The following TMPRSS2 variants were observed in gnomAD, a reference collection of about 807,000 sequenced individuals.
TMPRSS2 encodes transmembrane protease serine 2.
In TMPRSS2, 59 loss-of-function variants were observed where a neutral mutation model predicts 67.4. The observed-to-expected ratio is 0.88, with a 90% confidence interval of 0.71 to 1.09. The LOEUF (loss-of-function observed/expected upper bound fraction) is 1.09. Ranked by LOEUF, TMPRSS2 falls within the 50% of genes least tolerant of loss-of-function variation. The probability of loss-of-function intolerance (pLI) is 0.00; values close to 1 mark genes in which losing one functional copy is unlikely to be tolerated. For missense variants in TMPRSS2, 668 were observed against 642.7 expected, an observed-to-expected ratio of 1.04 and a Z score of -0.43; for synonymous variants, 257 against 257.0, an observed-to-expected ratio of 1.00 and a Z score of 0.00.
At chr21:41,472,519 C>T (rs137962614) in intron 9 of TMPRSS2, among the ~76,000 whole-genome samples, 93 of 151,204 alleles carry the variant, frequency 6.2e-4, no homozygotes, top group Non-Finnish European at 1.0e-3. Flanking sequence ...AAACCCAGTT[C>T]CTAGAGGGCC....
At chr21:41,507,845 G>A (rs2146520546) in intron 1 of TMPRSS2, 1 of 1,289,496 alleles carries the variant, frequency 7.8e-7, no homozygotes, top group Non-Finnish European at 1.0e-6. Context: ...GGCGGCGAGG[G>A]CTCTCGGCCG....
intron 3 of TMPRSS2, among the ~76,000 whole-genome samples, chr21:41,493,700 C>T (rs917737737): frequency 1.3e-5 from 2 of 152,094 alleles, no homozygotes; most frequent in African/African-American, 4.8e-5. Context: ...GCAAGAGGGG[C>T]GGACTGGAAA....
At chr21:41,470,551 A>G (rs1291171103) in intron 11 of TMPRSS2, 97 bp downstream of exon 11, 2 of 1,114,290 alleles carry the variant, frequency 1.8e-6, no homozygotes, top group East Asian at 5.2e-5. Context: ...CCAGTCATTG[A>G]GTAGTAGAAC....
chr21:41,470,763 C>T lies in TMPRSS2; in HGVS notation c.1076-20G>A, dbSNP rs2091126206. ...CTAGGTCTGTTTCAAGAAGAGAAAA[C>T]ACAGTGAGCCAGGCGGGTATCACCT... On this transcript the variant is annotated intron_variant, in intron 10 of 13. Transcript: ENST00000332149. 2 of 1,540,928 alleles carry T rather than the reference C, an allele frequency of 1.3e-6. No homozygotes were observed. Among genetic ancestry groups the T allele is most frequent in the South Asian group, 1.1e-5 (1 of 88,564 alleles).
chr21:41,480,994 C>T (rs920567452), intron 5 of TMPRSS2, among the ~76,000 whole-genome samples: 3 of 152,166 alleles, frequency 2.0e-5, no homozygotes, highest in African/African-American at 4.8e-5. Context: ...TCCACGGCTC[C>T]GGAGGTGGCA....
At chr21:41,494,671 A>G in intron 2 of TMPRSS2, 93 bp from the exon 3 acceptor site, 1 of 1,131,700 alleles carries the variant, frequency 8.8e-7, no homozygotes, top group Non-Finnish European at 1.3e-6. Context: ...AGCTATACCA[A>G]TGATCTTTTA....
At position 41,494,505 on chromosome 21, in the gene TMPRSS2, G is replaced by T. The variant is rs1245940121; in HGVS notation, c.89C>A (p.Pro30His). The change falls in exon 3 of 14, where the codon CCC (proline) becomes CAC (histidine). Residue 30 changes from proline (P) to histidine (H), a missense_variant. Coordinates refer to ENST00000332149, the MANE Select transcript of TMPRSS2 (RefSeq NM_005656.4). ...CTCGTAGACAGTGGGGACCACAGTG[G>T]GCTGTGCGGGATAGGGGTTTTCCGG... ...YQPENPYPAQ[P>H]TVVPTVYEVH... The T allele has an allele frequency of 1.2e-6, 2 of 1,614,086 alleles. No homozygotes were observed. The highest frequency in any genetic ancestry group is 1.1e-5 in the South Asian group (1 of 91,082).
Position 41,508,114 on chromosome 21 carries a change from G to A in TMPRSS2, c.-90C>T. The A allele has an allele frequency of 6.4e-6, 7 of 1,092,160 alleles. No individual in the cohort carries two copies. The highest frequency in any genetic ancestry group is 2.6e-5 in the South Asian group (1 of 38,346). 67.7% of individuals were successfully genotyped at this position (1,092,160 alleles called of 1,614,324 possible). On this transcript the variant is annotated 5_prime_UTR_variant, in exon 1 of 14. Coordinates refer to ENST00000332149, the MANE Select transcript of TMPRSS2 (RefSeq NM_005656.4). Reference sequence around the variant, plus strand: ...CTCCAGGCGGCGCTCCCCGCCCCTCGCCCTCCGCCTCCGCCTCCGCCTCCT... The same window carrying A: ...CTCCAGGCGGCGCTCCCCGCCCCTCACCCTCCGCCTCCGCCTCCGCCTCCT...
chr21:41,478,572 C>T lies in TMPRSS2; in HGVS notation c.683+600G>A, dbSNP rs957300769. ...TCTGCCCTCCCAGCCAGGTCAGCCA[C>T]TCATCATGTGACCTGTGGCTTGTAC... On this transcript the variant is annotated intron_variant, in intron 7 of 13. Coordinates refer to ENST00000332149, the MANE Select transcript of TMPRSS2 (RefSeq NM_005656.4). The surrounding 1 kb of genome is among the most constrained non-coding windows in gnomAD (Gnocchi z 4.0). Among the ~76,000 whole-genome samples, 1 of 152,248 alleles carries T rather than the reference C, an allele frequency of 6.6e-6. No homozygotes were observed. Among genetic ancestry groups the T allele is most frequent in the East Asian group, 1.9e-4 (1 of 5,204 alleles).
At chr21:41,507,913 C>T in intron 1 of TMPRSS2, 168 bp downstream of exon 1, 2 of 1,493,718 alleles carry the variant, frequency 1.3e-6, no homozygotes, top group South Asian at 1.2e-5. Context: ...GCGCCCTGCC[C>T]GGCTGGCCCC....
intron 5 of TMPRSS2, 132 bp from the exon 6 acceptor site, chr21:41,480,734 G>T (rs1394654135): frequency 3.0e-5 from 39 of 1,291,788 alleles, no homozygotes; most frequent in Non-Finnish European, 4.1e-5. Flanking sequence ...CGCCTCCCAG[G>T]TTCAAGTGAT....
chr21:41,490,351 A>G (rs552589240), intron 3 of TMPRSS2, among the ~76,000 whole-genome samples: 29 of 152,314 alleles, frequency 1.9e-4, no homozygotes, highest in Admixed American at 8.5e-4. Context: ...TAGCGAATGG[A>G]TGCTACTGTC....
At chr21:41,505,253 G>C (rs913458586) in intron 1 of TMPRSS2, among the ~76,000 whole-genome samples, 1 of 152,120 alleles carries the variant, frequency 6.6e-6, no homozygotes, top group Non-Finnish European at 1.5e-5. Context: ...AAATAAATAA[G>C]ATGCCTGGGC....
chr21:41,484,087 C>G (rs2091278623), intron 5 of TMPRSS2, among the ~76,000 whole-genome samples: 3 of 152,150 alleles, frequency 2.0e-5, no homozygotes, highest in East Asian at 1.9e-4. Flanking sequence ...CCACTGCACT[C>G]CAGACTGGGT....
intron 9 of TMPRSS2, among the ~76,000 whole-genome samples, chr21:41,473,075 A>T (rs1258832578): frequency 6.6e-6 from 1 of 152,144 alleles, no homozygotes; most frequent in Admixed American, 6.5e-5. Flanking sequence ...AACGCTGGTC[A>T]CGGCGACATC....
chr21:41,499,771 C>T (rs1255026339), intron 1 of TMPRSS2, among the ~76,000 whole-genome samples: 5 of 152,192 alleles, frequency 3.3e-5, no homozygotes, highest in African/African-American at 4.8e-5. Context: ...GAATAAAGTT[C>T]GCTTCACCAT....
intron 8 of TMPRSS2, among the ~76,000 whole-genome samples, chr21:41,475,367 G>A (rs2146440811): frequency 2.6e-5 from 1 of 37,778 alleles, no homozygotes; most frequent in Admixed American, 2.6e-4. Context: ...GGGGGTGAGG[G>A]AGTGAGGGAT....
chr21:41,479,758 A>G (rs1569016932), intron 6 of TMPRSS2, among the ~76,000 whole-genome samples: 1 of 152,120 alleles, frequency 6.6e-6, no homozygotes, highest in Non-Finnish European at 1.5e-5. Context: ...TGAATACCCT[A>G]AAGTTGCATA....
At position 41,481,575 on chromosome 21, in the gene TMPRSS2, C is replaced by T. The variant is rs931025064; in HGVS notation, c.446-973G>A. 3.9e-5 allele frequency among the ~76,000 whole-genome samples: 6 copies of T among 151,912 alleles called. No individual in the cohort carries two copies. In the East Asian group the frequency reaches 9.7e-4, roughly 24 times the overall value. On this transcript the variant is annotated intron_variant, in intron 5 of 13. Coordinates refer to ENST00000332149, the MANE Select transcript of TMPRSS2 (RefSeq NM_005656.4). ...GACTGTGGTGATAGTTGCACATATT[C>T]GTGAATATATAAAAGCCAGTGAATT... is the stretch of plus-strand genomic sequence containing the variant.
Sources: allele counts gnomAD v4.1 joint callset (sites outside exome capture counted in the v4.1 genomes callset), GRCh38; gene constraint gnomAD v4.1.1; non-coding constraint Gnocchi (gnomAD v3.1); transcripts MANE v1.5; gene names NCBI Gene and HGNC (gene_info 2026-07-23, HGNC 2026-07-21).